The following GOLGA6C variants were observed in gnomAD, a reference collection of about 807,000 sequenced individuals.
GOLGA6C encodes golgin A6 family member C.
In GOLGA6C, 3 loss-of-function variants were observed where a neutral mutation model predicts 57.5. That is an observed-to-expected ratio of 0.05 (90% confidence interval 0.02 to 0.13). The LOEUF (loss-of-function observed/expected upper bound fraction) is 0.13, where lower values mean the gene tolerates loss of function less well. Among genes scored for constraint, GOLGA6C ranks in the 10% least tolerant of loss-of-function variants. The probability of loss-of-function intolerance (pLI) is 1.00; values close to 1 mark genes in which losing one functional copy is unlikely to be tolerated. For synonymous variants in GOLGA6C, 32 were observed against 203.8 expected, an observed-to-expected ratio of 0.16 and a Z score of 7.18; for missense variants, 88 against 525.6, an observed-to-expected ratio of 0.17 and a Z score of 8.14.
chr15:75,272,431 ACAGT>A lies in GOLGA6C; in HGVS notation c.*2233_*2236del, dbSNP rs2070791875. ...TTAATTAGCCACCTTATTTGGTCTA[ACAGT>A]TTTTCTTTATAATTCTGAAACTGGG... On this transcript the variant is annotated 3_prime_UTR_variant, in exon 18 of 18. Transcript: ENST00000300576. Among the ~76,000 whole-genome samples, 1 of 148,894 alleles carries A rather than the reference ACAGT, an allele frequency of 6.7e-6. No homozygotes were observed. Among genetic ancestry groups the A allele is most frequent in the Non-Finnish European group, 1.5e-5 (1 of 67,574 alleles).
At chr15:75,269,797 G>A (rs2070777300) in intron 16 of GOLGA6C, 35 bp from the exon 17 acceptor site, 1 of 1,037,832 alleles carries the variant, frequency 9.6e-7, no homozygotes, top group Non-Finnish European at 1.4e-6. Flanking sequence ...ACTGGTGCAG[G>A]CTCCAGGGTG....
intron 1 of GOLGA6C, 133 bp downstream of exon 1, chr15:75,258,815 C>A (rs1439481384): frequency 1.1e-5 from 9 of 793,672 alleles, no homozygotes; most frequent in African/African-American, 3.4e-5. Flanking sequence ...CGCCTCTGGG[C>A]TCCCCCCACC....
In GOLGA6C at chr15:75,270,152, C is replaced by A. The variant is rs2636846; in HGVS notation, c.2035C>A (p.Pro679Thr). 2.0e-5 allele frequency: 32 copies of A among 1,591,074 alleles called. 13 individuals are homozygous for A. The East Asian group carries it at 4.1e-4, about 20-fold the overall frequency. ...GGAGGGTTCTCCCCATGACAACCCC[C>A]CGGTACAGCAGATCGTGCAGCTGTC... ...AREGSPHDNPPVQQIVQLSPV... is the reference protein window; with the variant it reads ...AREGSPHDNPTVQQIVQLSPV... The change falls in exon 18 of 18, where the codon CCG becomes ACG. Residue 679 changes from proline to threonine, a missense_variant. Coordinates refer to ENST00000300576, the MANE Select transcript of GOLGA6C (RefSeq NM_001164404.2).
chr15:75,259,159 C>G (rs1290676738), intron 1 of GOLGA6C, among the ~76,000 whole-genome samples: 4 of 152,044 alleles, frequency 2.6e-5, no homozygotes, highest in African/African-American at 9.7e-5. Context: ...CCTCCAAGGA[C>G]CTGGGTCCCA....
intron 2 of GOLGA6C, 142 bp downstream of exon 2, chr15:75,260,634 G>C (rs1250069525): frequency 1.1e-5 from 12 of 1,076,098 alleles, no homozygotes; most frequent in Non-Finnish European, 1.6e-5. Context: ...TTTATGGCAA[G>C]TTGCTTGAGC....
At position 75,265,082 on chromosome 15, in the gene GOLGA6C, G is replaced by A. The variant is rs528446792; in HGVS notation, c.565-40G>A. The stretch of plus-strand genomic sequence containing the variant: ...CTAGCCCTTTTAAGGGGCACTGCCC[G>A]GGCTCCCCAGATCAAAACTTCTCAC... On this transcript the variant is annotated intron_variant, in intron 7 of 17. Coordinates refer to ENST00000300576, the MANE Select transcript of GOLGA6C (RefSeq NM_001164404.2). 69 of 1,606,062 alleles carry A rather than the reference G, an allele frequency of 4.3e-5. 2 individuals are homozygous for A. Among genetic ancestry groups the A allele is most frequent in the Middle Eastern group, 1.9e-4 (1 of 5,378 alleles).
Position 75,272,781 on chromosome 15 carries a change from G to A in GOLGA6C, c.*2582G>A, listed in dbSNP as rs1338536438. Reference sequence around the variant, plus strand: ...AATAACTTAAGTCTTTCTTCAAAGTGCATGTGGTCCTTTGCAATACCTCAT... The same window carrying A: ...AATAACTTAAGTCTTTCTTCAAAGTACATGTGGTCCTTTGCAATACCTCAT... On this transcript the variant is annotated 3_prime_UTR_variant, in exon 18 of 18. Transcript: ENST00000300576. 1.3e-5 allele frequency among the ~76,000 whole-genome samples: 2 copies of A among 151,506 alleles called. No homozygotes were observed. Among genetic ancestry groups the A allele is most frequent in the Admixed American group, 1.3e-4 (2 of 15,272 alleles).
chr15:75,270,160 G>A lies in GOLGA6C; in HGVS notation c.2043G>A (p.Gln681=). ...EGSPHDNPPV[Q]QIVQLSPVMQ... ...CTCCCCATGACAACCCCCCGGTACA[G>A]CAGATCGTGCAGCTGTCTCCTGTCA... The change falls in exon 18 of 18, where the codon CAG becomes CAA. Residue 681 remains glutamine, a synonymous_variant. Coordinates refer to ENST00000300576, the MANE Select transcript of GOLGA6C (RefSeq NM_001164404.2). 6.3e-7 allele frequency: 1 copy of A among 1,592,174 alleles called. No individual in the cohort carries two copies. Among genetic ancestry groups the A allele is most frequent in the Non-Finnish European group, 8.5e-7 (1 of 1,174,480 alleles).
chr15:75,260,542 T>C (rs2070731413), intron 2 of GOLGA6C, 50 bp downstream of exon 2: 1 of 1,069,312 alleles, frequency 9.4e-7, no homozygotes, highest in African/African-American at 1.8e-5. Context: ...CAAGGGGCAG[T>C]AGAGGGTAAT....
At chr15:75,258,804 G>C (rs1273660085) in intron 1 of GOLGA6C, 122 bp downstream of exon 1, 9 of 770,212 alleles carry the variant, frequency 1.2e-5, no homozygotes, top group Non-Finnish European at 2.0e-5. Flanking sequence ...CCCTACCCCG[G>C]CGCCTCTGGG....
chr15:75,264,015 T>C lies in GOLGA6C; in HGVS notation c.496T>C (p.Leu166=). The C allele has an allele frequency of 6.3e-7, 1 of 1,595,558 alleles. No homozygotes were observed. Among genetic ancestry groups the C allele is most frequent in the Non-Finnish European group, 8.5e-7 (1 of 1,176,570 alleles). Residue 166 remains leucine, a synonymous_variant, in exon 7 of 18, where the codon TTA becomes CTA. Transcript: ENST00000300576. The part of the protein sequence containing the change: ...KDLAGRLQYS[L]QRIQELERAL... The stretch of plus-strand genomic sequence containing the variant: ...TCTGGCTGGCCGCCTGCAATACTCC[T>C]TACAGCGTATTCAAGAATTGGAGCG...
intron 1 of GOLGA6C, among the ~76,000 whole-genome samples, chr15:75,259,219 C>T (rs1181046438): frequency 6.6e-6 from 1 of 150,714 alleles, no homozygotes; most frequent in Non-Finnish European, 1.5e-5. Context: ...AGCCATTGCA[C>T]TGATGAGGTT....
chr15:75,260,694 A>G (rs1320564272), intron 2 of GOLGA6C, among the ~76,000 whole-genome samples: 1 of 149,390 alleles, frequency 6.7e-6, no homozygotes, highest in African/African-American at 2.5e-5. Flanking sequence ...GTATTGTTTG[A>G]CTTCCATTTG....
chr15:75,258,773 G>A (rs2070719206), intron 1 of GOLGA6C, 91 bp downstream of exon 1: 1 of 638,528 alleles, frequency 1.6e-6, no homozygotes, highest in African/African-American at 1.9e-5. Flanking sequence ...TACCACTCCT[G>A]AGGCACACCG....
Position 75,273,021 on chromosome 15 carries a change from T to C in GOLGA6C, c.*2822T>C, listed in dbSNP as rs2070796836. On this transcript the variant is annotated 3_prime_UTR_variant, in exon 18 of 18. Transcript: ENST00000300576. ...TTTTTAAAGTATTTGTTTAACCTGA[T>C]GGGTTTTCCAGAAATGAAAACAAGT... is the stretch of plus-strand genomic sequence containing the variant. Among the ~76,000 whole-genome samples, 1 of 151,994 alleles carries C rather than the reference T, an allele frequency of 6.6e-6. No homozygotes were observed. The highest frequency in any genetic ancestry group is 2.4e-5 in the African/African-American group (1 of 41,240).
chr15:75,265,740 G>C, intron 10 of GOLGA6C, 36 bp downstream of exon 10: 1 of 526,974 alleles, frequency 1.9e-6, no homozygotes, highest in Non-Finnish European at 3.3e-6. Flanking sequence ...GAGCAGGACT[G>C]GCATCAGAGG....
At chr15:75,259,184 C>A (rs1349099074) in intron 1 of GOLGA6C, among the ~76,000 whole-genome samples, 2 of 151,888 alleles carry the variant, frequency 1.3e-5, no homozygotes, top group African/African-American at 4.9e-5. Context: ...CACGTCCCCC[C>A]TCCCCCATCG....
Position 75,270,201 on chromosome 15 carries a change from A to G in GOLGA6C, c.*2A>G, listed in dbSNP as rs766861911. On this transcript the variant is annotated 3_prime_UTR_variant, in exon 18 of 18. Transcript: ENST00000300576. ...TCTCCTGTCATGCAGGACACCTAGG[A>G]GCACCCAGGCTTGCCCAGCAAACCC... The G allele has an allele frequency of 1.9e-6, 3 of 1,592,868 alleles. No homozygotes were observed. The highest frequency in any genetic ancestry group is 2.6e-6 in the Non-Finnish European group (3 of 1,174,496).
chr15:75,270,198 A>C lies in GOLGA6C; in HGVS notation c.2081A>C (p.Ter694SerextTer29). ...VQLSPVMQDT[*>S] Reference sequence around the variant, plus strand: ...CTGTCTCCTGTCATGCAGGACACCTAGGAGCACCCAGGCTTGCCCAGCAAA... The same window carrying C: ...CTGTCTCCTGTCATGCAGGACACCTCGGAGCACCCAGGCTTGCCCAGCAAA... Residue 694 changes from the stop codon to serine (S), a stop_lost, in exon 18 of 18, where the codon TAG (stop) becomes TCG (serine). Transcript: ENST00000300576. 6.3e-7 allele frequency: 1 copy of C among 1,592,924 alleles called. No individual in the cohort carries two copies. Among genetic ancestry groups the C allele is most frequent in the Non-Finnish European group, 8.5e-7 (1 of 1,174,484 alleles).
Sources: gnomAD v4.1 joint callset for allele counts (sites outside exome capture counted in the v4.1 genomes callset) on GRCh38, gnomAD v4.1.1 for gene constraint, MANE v1.5 for transcripts, NCBI Gene and HGNC (gene_info 2026-07-23, HGNC 2026-07-21) for gene names.